APBB1IP: variants seen among roughly 807,000 people sequenced by gnomAD.
APBB1IP encodes amyloid beta A4 precursor protein-binding family B member 1-interacting protein.
A neutral mutation model predicts 64.9 loss-of-function variants in APBB1IP; 27 were observed. The ratio of observed to expected loss-of-function variants is 0.42; its 90% CI spans 0.31 to 0.57. The LOEUF is 0.57. Among genes scored for constraint, APBB1IP ranks in the 20% least tolerant of loss-of-function variants. APBB1IP has a pLI of 0.20. For missense variants in APBB1IP, 812 were observed against 845.5 expected (o/e 0.96, Z 0.49); for synonymous variants, 392 against 331.0 (o/e 1.18, Z -2.00).
chr10:26,483,092 T>TAAAAAAAAAA (rs35069320), intron 2 of APBB1IP, among the ~76,000 whole-genome samples: 1 of 67,140 alleles, frequency 1.5e-5, no homozygotes, highest in Non-Finnish European at 2.7e-5. Flanking sequence ...CTCCATCTGA[T>TAAAAAAAAAA]AAAAAAAAAA....
chr10:26,501,460 C>T, intron 5 of APBB1IP: 1 of 460,878 alleles, frequency 2.2e-6, no homozygotes, highest in Non-Finnish European at 3.9e-6. Flanking sequence ...CTGTTCTTAG[C>T]TCAGTACATA....
intron 14 of APBB1IP, among the ~76,000 whole-genome samples, chr10:26,563,929 G>A (rs1320342388): frequency 1.3e-5 from 2 of 151,780 alleles, no homozygotes; most frequent in African/African-American, 4.8e-5. Flanking sequence ...AATGCCAATT[G>A]AAGGACAGCA....
chr10:26,460,444 C>A (rs758409612), intron 2 of APBB1IP, among the ~76,000 whole-genome samples: 21 of 152,116 alleles, frequency 1.4e-4, no homozygotes, highest in Non-Finnish European at 2.8e-4. Flanking sequence ...AAATCTCTTT[C>A]CCCTTTTTTA....
intron 8 of APBB1IP, among the ~76,000 whole-genome samples, chr10:26,516,695 A>G (rs1564366750): frequency 6.6e-6 from 1 of 152,114 alleles, no homozygotes; most frequent in Non-Finnish European, 1.5e-5. Context: ...ACTTCACAGA[A>G]GATAAGATGA....
At chr10:26,536,647 A>G (rs1466744302) in intron 10 of APBB1IP, among the ~76,000 whole-genome samples, 1 of 149,034 alleles carries the variant, frequency 6.7e-6, no homozygotes, top group Non-Finnish European at 1.5e-5. Flanking sequence ...GCTGGGGTAC[A>G]GTGGCATGAT....
intron 2 of APBB1IP, among the ~76,000 whole-genome samples, chr10:26,450,070 A>G (rs1835448332): frequency 6.6e-6 from 1 of 152,174 alleles, no homozygotes; most frequent in Non-Finnish European, 1.5e-5. Context: ...AAGTAAAATT[A>G]TGGAGAATGG....
chr10:26,486,709 C>G (rs1835895819), intron 2 of APBB1IP, among the ~76,000 whole-genome samples: 1 of 152,138 alleles, frequency 6.6e-6, no homozygotes, highest in African/African-American at 2.4e-5. Flanking sequence ...GAGATTAACT[C>G]TGCCGTCGAT....
At chr10:26,480,862 A>G (rs184541469) in intron 2 of APBB1IP, among the ~76,000 whole-genome samples, 21 of 152,236 alleles carry the variant, frequency 1.4e-4, no homozygotes, top group East Asian at 5.8e-4. Context: ...AGTAGGGGAC[A>G]GTGAATTGAC....
In APBB1IP at chr10:26,551,930, GAT is replaced by G. The variant is rs1218151180; in HGVS notation, c.1156-8174_1156-8173del. Reference sequence around the variant, plus strand: ...GGGTGGATGGACAGATGGGTGGGTGGATGGATGGATGGATGGATGGATGGATG... The same window carrying G: ...GGGTGGATGGACAGATGGGTGGGTGGGGATGGATGGATGGATGGATGGATG... On this transcript the variant is annotated intron_variant, in intron 11 of 14. Transcript: ENST00000376236. Among the ~76,000 whole-genome samples, 34 of 39,186 alleles carry G rather than the reference GAT, an allele frequency of 8.7e-4. 1 individual carries two copies. Among genetic ancestry groups the G allele is most frequent in the South Asian group, 6.7e-3 (10 of 1,492 alleles). The allele number at this position is 39,186 out of a possible 152,430, so 25.7% of individuals were successfully genotyped here.
chr10:26,485,262 T>A (rs1051979515), intron 2 of APBB1IP, among the ~76,000 whole-genome samples: 8 of 152,218 alleles, frequency 5.3e-5, no homozygotes, highest in African/African-American at 1.4e-4. Flanking sequence ...CTCTGATAGT[T>A]CTCGGAACCA....
intron 11 of APBB1IP, among the ~76,000 whole-genome samples, chr10:26,549,037 AT>A (rs1277263546): frequency 7.2e-5 from 11 of 152,110 alleles, no homozygotes; most frequent in African/African-American, 2.7e-4. Flanking sequence ...ATTTGTTGAG[AT>A]GCTGAATTTT....
intron 8 of APBB1IP, among the ~76,000 whole-genome samples, chr10:26,524,845 C>T (rs1164131554): frequency 4.0e-5 from 6 of 151,766 alleles, no homozygotes; most frequent in Non-Finnish European, 5.9e-5. Flanking sequence ...ACCTGTCTCA[C>T]GAGATTTTGT....
chr10:26,517,470 G>A (rs992617464), intron 8 of APBB1IP, among the ~76,000 whole-genome samples: 4 of 152,128 alleles, frequency 2.6e-5, no homozygotes, highest in Non-Finnish European at 4.4e-5. Flanking sequence ...ACAGGGTCTC[G>A]CTCTGTTGCC....
At chr10:26,506,245 G>GTT (rs1392648330) in intron 6 of APBB1IP, among the ~76,000 whole-genome samples, 1 of 75,544 alleles carries the variant, frequency 1.3e-5, no homozygotes, top group Non-Finnish European at 3.2e-5. Flanking sequence ...ACTACCGTGT[G>GTT]TGTGTGGGGG....
At chr10:26,474,789 T>G (rs768259124) in intron 2 of APBB1IP, among the ~76,000 whole-genome samples, 12 of 152,262 alleles carry the variant, frequency 7.9e-5, no homozygotes, top group Non-Finnish European at 1.6e-4. Flanking sequence ...ACATCATTGC[T>G]CAAAATCTTG....
At chr10:26,516,887 A>G (rs1275543685) in intron 8 of APBB1IP, among the ~76,000 whole-genome samples, 6 of 152,104 alleles carry the variant, frequency 3.9e-5, no homozygotes, top group Non-Finnish European at 7.4e-5. Context: ...CAGAAGATAT[A>G]TGGGGGGAGA....
chr10:26,506,273 G>A (rs1295676524), intron 6 of APBB1IP, among the ~76,000 whole-genome samples: 1 of 144,794 alleles, frequency 6.9e-6, no homozygotes, highest in Non-Finnish European at 1.5e-5. Flanking sequence ...TGGGGGGCAA[G>A]GTCTTGCTCT....
chr10:26,461,767 AT>A (rs1835596218), intron 2 of APBB1IP, among the ~76,000 whole-genome samples: 1 of 151,182 alleles, frequency 6.6e-6, no homozygotes, highest in Non-Finnish European at 1.5e-5. Flanking sequence ...TAGTTTTATT[AT>A]TTTTTCTATC....
rs759195373 is a variant in APBB1IP at position 26,549,987 on chromosome 10, C to T, written c.1155+8295C>T. 2.1e-4 allele frequency among the ~76,000 whole-genome samples: 32 copies of T among 150,540 alleles called. 1 individual carries two copies. Among genetic ancestry groups the T allele is most frequent in the East Asian group, 3.9e-4 (2 of 5,130 alleles). The stretch of plus-strand genomic sequence containing the variant: ...TGGCTGAAAAAGTCTTTATCTCCTT[C>T]ATTTCTGAAGAATAGCTTTTCTGGG... On this transcript the variant is annotated intron_variant, in intron 11 of 14. Transcript: ENST00000376236.
Sources: allele counts gnomAD v4.1 joint callset (sites outside exome capture counted in the v4.1 genomes callset), GRCh38; gene constraint gnomAD v4.1.1; transcripts MANE v1.5; gene names NCBI Gene and HGNC (gene_info 2026-07-23, HGNC 2026-07-21).